SUPT20HL1: variants seen among roughly 807,000 people sequenced by gnomAD.
SUPT20HL1 encodes SUPT20H like 1, also known as transcription factor SPT20 homolog-like 1.
For synonymous variants in SUPT20HL1, 133 were observed against 79.2 expected, an observed-to-expected ratio of 1.68 and a Z score of -3.61; for missense variants, 277 against 200.3, an observed-to-expected ratio of 1.38 and a Z score of -2.31.
rs1353687145 is a variant in SUPT20HL1 at position 24,366,700 on chromosome X, T to C, written c.*1276T>C. On this transcript the variant is annotated 3_prime_UTR_variant, in exon 1 of 1. Coordinates refer to ENST00000686983, the MANE Select transcript of SUPT20HL1 (RefSeq NM_001136234.3). ...TTCTTTGTCTTTTTCTCTTTGTTGATGCATCATCATCAGTTGTTCATCTGT... is the reference window on the plus strand; with the variant it reads ...TTCTTTGTCTTTTTCTCTTTGTTGACGCATCATCATCAGTTGTTCATCTGT... Among the ~76,000 whole-genome samples, 1 of 97,200 alleles carries C rather than the reference T, an allele frequency of 1.0e-5. No homozygotes were observed. Among genetic ancestry groups the C allele is most frequent in the Non-Finnish European group, 2.0e-5 (1 of 50,572 alleles). The allele number at this position is 97,200 out of a possible 115,157, so 84.4% of individuals were successfully genotyped here. A position where few individuals can be genotyped will look rare whatever the true frequency, so the allele number is the denominator to read the frequency against.
rs764471695 is a variant in SUPT20HL1, at chrX:24,364,705, C to G, written c.1945C>G (p.Gln649Glu). The G allele has an allele frequency of 1.4e-5, 6 of 426,656 alleles. No individual in the cohort carries two copies. The highest frequency in any genetic ancestry group is 2.7e-5 in the Non-Finnish European group (6 of 219,387). The allele number at this position is 426,656 out of a possible 1,213,427, so 35.2% of individuals were successfully genotyped here. A position where few individuals can be genotyped will look rare whatever the true frequency, so the allele number is the denominator to read the frequency against. Residue 649 changes from glutamine to glutamate, a missense_variant, in exon 1 of 1, where the codon CAG becomes GAG. Gln to Glu is a conservative substitution (Grantham distance 29). Coordinates refer to ENST00000686983, the MANE Select transcript of SUPT20HL1 (RefSeq NM_001136234.3). Reference sequence around the variant, plus strand: ...TGCAGGAATCAGTGGCAGTGACCTTCAGTCCTCAGGAGGTCCACTACCAGA... The same window carrying G: ...TGCAGGAATCAGTGGCAGTGACCTTGAGTCCTCAGGAGGTCCACTACCAGA... ...APAGISGSDL[Q>E]SSGGPLPDAR...
chrX:24,362,636 T>G lies in SUPT20HL1; in HGVS notation c.-125T>G, dbSNP rs981807805. Reference sequence around the variant, plus strand: ...GCGGGTTTCTGGGCAGATGCCCACGTTGAACTCAGTGTGGACTTGTGGCAT... The same window carrying G: ...GCGGGTTTCTGGGCAGATGCCCACGGTGAACTCAGTGTGGACTTGTGGCAT... On this transcript the variant is annotated 5_prime_UTR_variant, in exon 1 of 1. Coordinates refer to ENST00000686983, the MANE Select transcript of SUPT20HL1 (RefSeq NM_001136234.3). 2 of 368,414 alleles carry G rather than the reference T, an allele frequency of 5.4e-6. No homozygotes were observed. The highest frequency in any genetic ancestry group is 5.1e-5 in the African/African-American group (2 of 39,151). The allele number at this position is 368,414 out of a possible 1,213,427, so 30.4% of individuals were successfully genotyped here. A position where few individuals can be genotyped will look rare whatever the true frequency, so the allele number is the denominator to read the frequency against.
At position 24,364,051 on chromosome X, in the gene SUPT20HL1, A is replaced by G. The variant is rs1248277838; in HGVS notation, c.1291A>G (p.Ser431Gly). 1.8e-6 allele frequency: 1 copy of G among 548,423 alleles called. No individual in the cohort carries two copies. The highest frequency in any genetic ancestry group is 3.4e-6 in the Non-Finnish European group (1 of 297,161). 45.2% of individuals were successfully genotyped at this position (548,423 alleles called of 1,213,427 possible). A position where few individuals can be genotyped will look rare whatever the true frequency, so the allele number is the denominator to read the frequency against. Reference sequence around the variant, plus strand: ...GTCACACAGCTCCAGTGGCCCAGCCAGTGTCAGTCAGCTCTCTTCATGGAA... The same window carrying G: ...GTCACACAGCTCCAGTGGCCCAGCCGGTGTCAGTCAGCTCTCTTCATGGAA... The part of the protein sequence containing the change: ...KMSHSSSGPA[S>G]VSQLSSWKTP... Residue 431 changes from serine to glycine, a missense_variant, in exon 1 of 1, where the codon AGT becomes GGT. Coordinates refer to ENST00000686983, the MANE Select transcript of SUPT20HL1 (RefSeq NM_001136234.3).
rs1304888668 is a variant in SUPT20HL1, at chrX:24,362,389, C to T, written c.-372C>T. Reference sequence around the variant, plus strand: ...GAAGCCCGGGCCACGACGACGACCCCTCAGGTACCGATGTTTTCAGAAACC... The same window carrying T: ...GAAGCCCGGGCCACGACGACGACCCTTCAGGTACCGATGTTTTCAGAAACC... On this transcript the variant is annotated 5_prime_UTR_variant, in exon 1 of 1. Coordinates refer to ENST00000686983, the MANE Select transcript of SUPT20HL1 (RefSeq NM_001136234.3). Among the ~76,000 whole-genome samples, 1 of 112,060 alleles carries T rather than the reference C, an allele frequency of 8.9e-6. No homozygotes were observed. The highest frequency in any genetic ancestry group is 3.2e-5 in the African/African-American group (1 of 30,830).
rs1393623626 is a variant in SUPT20HL1 at position 24,360,998 on chromosome X, A to G, written c.-1763A>G. ...GAATAATGCTCCCAGGACTGTCCTC[A>G]GTCTATGAGAAAGAAAAGTGGATGA... On this transcript the variant is annotated 5_prime_UTR_variant, in exon 1 of 1. Coordinates refer to ENST00000686983, the MANE Select transcript of SUPT20HL1 (RefSeq NM_001136234.3). Among the ~76,000 whole-genome samples the G allele has an allele frequency of 8.9e-6, 1 of 112,234 alleles. No individual in the cohort carries two copies. Among genetic ancestry groups the G allele is most frequent in the Non-Finnish European group, 1.9e-5 (1 of 53,231 alleles).
In SUPT20HL1 at chrX:24,364,174, G is replaced by A. The variant is rs1210527692; in HGVS notation, c.1414G>A (p.Gly472Arg). ...CCGCACCCAACTTCCCTCAAGCTCA[G>A]GAAAGATTTCCTCAGGTAACAGTTT... ...PPRTQLPSSSGKISSGNSFPP... is the reference protein window; with the variant it reads ...PPRTQLPSSSRKISSGNSFPP... The change falls in exon 1 of 1, where the codon GGA becomes AGA. Residue 472 changes from glycine (G) to arginine (R), a missense_variant. Physicochemically the swap from Gly to Arg is moderately radical, Grantham distance 125 (BLOSUM62 -2). Transcript: ENST00000686983. 1.4e-6 allele frequency: 1 copy of A among 698,217 alleles called. No homozygotes were observed. The highest frequency in any genetic ancestry group is 2.4e-5 in the Admixed American group (1 of 41,800). The allele number at this position is 698,217 out of a possible 1,213,427, so 57.5% of individuals were successfully genotyped here.
At position 24,362,427 on chromosome X, in the gene SUPT20HL1, G is replaced by A. The variant is rs1033002248; in HGVS notation, c.-334G>A. On this transcript the variant is annotated 5_prime_UTR_variant, in exon 1 of 1. Coordinates refer to ENST00000686983, the MANE Select transcript of SUPT20HL1 (RefSeq NM_001136234.3). The stretch of plus-strand genomic sequence containing the variant: ...GTTTTCAGAAACCCTCAAACAGATT[G>A]GGTAGCGCTTCCCTGGGGGCAGGTT... 8.9e-6 allele frequency among the ~76,000 whole-genome samples: 1 copy of A among 111,982 alleles called. No homozygotes were observed. The highest frequency in any genetic ancestry group is 1.9e-5 in the Non-Finnish European group (1 of 53,004).
rs893788680 is a variant in SUPT20HL1 at position 24,363,698 on chromosome X, A to G, written c.938A>G (p.Lys313Arg). The G allele has an allele frequency of 5.2e-6, 2 of 385,921 alleles. No homozygotes were observed. The highest frequency in any genetic ancestry group is 2.5e-5 in the African/African-American group (1 of 39,358). The allele number at this position is 385,921 out of a possible 1,213,427, so 31.8% of individuals were successfully genotyped here. A position where few individuals can be genotyped will look rare whatever the true frequency, so the allele number is the denominator to read the frequency against. The change falls in exon 1 of 1, where the codon AAA becomes AGA. Residue 313 changes from lysine (K) to arginine (R), a missense_variant. Physicochemically the swap from Lys to Arg is conservative, Grantham distance 26. Coordinates refer to ENST00000686983, the MANE Select transcript of SUPT20HL1 (RefSeq NM_001136234.3). Reference sequence around the variant, plus strand: ...GAAGTGGATGTGGAGAAACTTGCTAAAGGGTATCAGTCCGTCACAGCTGCT... The same window carrying G: ...GAAGTGGATGTGGAGAAACTTGCTAGAGGGTATCAGTCCGTCACAGCTGCT... ...PSEVDVEKLA[K>R]GYQSVTAADP...
rs1469020274 is a variant in SUPT20HL1 at position 24,361,069 on chromosome X, C to T, written c.-1692C>T. On this transcript the variant is annotated 5_prime_UTR_variant, in exon 1 of 1. Coordinates refer to ENST00000686983, the MANE Select transcript of SUPT20HL1 (RefSeq NM_001136234.3). Reference sequence around the variant, plus strand: ...GCATCTAGGACGGGACAATCTGAGGCTTATTCTGTACTGTCTTCCAAGGTC... The same window carrying T: ...GCATCTAGGACGGGACAATCTGAGGTTTATTCTGTACTGTCTTCCAAGGTC... Among the ~76,000 whole-genome samples, 1 of 112,398 alleles carries T rather than the reference C, an allele frequency of 8.9e-6. No individual in the cohort carries two copies. The highest frequency in any genetic ancestry group is 1.9e-5 in the Non-Finnish European group (1 of 53,268).
At position 24,365,332 on chromosome X, in the gene SUPT20HL1, G is replaced by T. The variant is rs1354797674; in HGVS notation, c.2572G>T (p.Val858Phe). ...GCCAGTGTTTTTGGCAACAGGCGCT[G>T]TTCAGATAGTGCAGCCACATCCAGG... ...QQPVFLATGA[V>F]QIVQPHPGVQ... Residue 858 changes from valine to phenylalanine, a missense_variant, in exon 1 of 1, where the codon GTT becomes TTT. Coordinates refer to ENST00000686983, the MANE Select transcript of SUPT20HL1 (RefSeq NM_001136234.3). 1 of 387,245 alleles carries T rather than the reference G, an allele frequency of 2.6e-6. No individual in the cohort carries two copies. Among genetic ancestry groups the T allele is most frequent in the Non-Finnish European group, 5.2e-6 (1 of 192,627 alleles). 31.9% of individuals were successfully genotyped at this position (387,245 alleles called of 1,213,427 possible).
At position 24,363,765 on chromosome X, in the gene SUPT20HL1, C is replaced by A. The variant is rs758308354; in HGVS notation, c.1005C>A (p.Asp335Glu). ...LPVWPAQEVE[D>E]PFGFALEAGC... ...TCTGGCCAGCCCAGGAGGTAGAAGACCCTTTTGGATTTGCGTTGGAAGCTG... is the reference window on the plus strand; with the variant it reads ...TCTGGCCAGCCCAGGAGGTAGAAGAACCTTTTGGATTTGCGTTGGAAGCTG... Residue 335 changes from aspartate to glutamate, a missense_variant, in exon 1 of 1, where the codon GAC becomes GAA. Asp to Glu is a conservative substitution (Grantham distance 45). Coordinates refer to ENST00000686983, the MANE Select transcript of SUPT20HL1 (RefSeq NM_001136234.3). The A allele has an allele frequency of 2.6e-6, 1 of 387,656 alleles. No individual in the cohort carries two copies. Among genetic ancestry groups the A allele is most frequent in the Non-Finnish European group, 5.2e-6 (1 of 192,913 alleles). The allele number at this position is 387,656 out of a possible 1,213,427, so 31.9% of individuals were successfully genotyped here. A position where few individuals can be genotyped will look rare whatever the true frequency, so the allele number is the denominator to read the frequency against.
rs866617118 is a variant in SUPT20HL1, at chrX:24,365,213, C to A, written c.2453C>A (p.Pro818Gln). The change falls in exon 1 of 1, where the codon CCG (proline) becomes CAG (glutamine). Residue 818 changes from proline (P) to glutamine (Q), a missense_variant. Coordinates refer to ENST00000686983, the MANE Select transcript of SUPT20HL1 (RefSeq NM_001136234.3). ...QEQPQSQQQQ[P>Q]QHIQLQTQQL... ...CAGCCACAGTCGCAGCAGCAGCAGC[C>A]GCAGCATATCCAGCTCCAGACTCAG... 2.8e-6 allele frequency: 1 copy of A among 360,777 alleles called. No homozygotes were observed. Among genetic ancestry groups the A allele is most frequent in the South Asian group, 2.5e-5 (1 of 40,075 alleles). 29.7% of individuals were successfully genotyped at this position (360,777 alleles called of 1,213,427 possible). A position where few individuals can be genotyped will look rare whatever the true frequency, so the allele number is the denominator to read the frequency against.
At position 24,360,710 on chromosome X, in the gene SUPT20HL1, A is replaced by C. The variant is rs1484795914; in HGVS notation, c.-2051A>C. 8.9e-6 allele frequency among the ~76,000 whole-genome samples: 1 copy of C among 112,139 alleles called. No individual in the cohort carries two copies. On this transcript the variant is annotated 5_prime_UTR_variant, in exon 1 of 1. Coordinates refer to ENST00000686983, the MANE Select transcript of SUPT20HL1 (RefSeq NM_001136234.3). ...AAATTGCCCATTTCACTTGGATGGA[A>C]TATAATTTCACTTCTCCATATGCCC...
chrX:24,363,614 A>G lies in SUPT20HL1; in HGVS notation c.854A>G (p.Lys285Arg). The G allele has an allele frequency of 2.6e-6, 1 of 387,477 alleles. No homozygotes were observed. Among genetic ancestry groups the G allele is most frequent in the Non-Finnish European group, 5.2e-6 (1 of 192,675 alleles). 31.9% of individuals were successfully genotyped at this position (387,477 alleles called of 1,213,427 possible). A position where few individuals can be genotyped will look rare whatever the true frequency, so the allele number is the denominator to read the frequency against. ...CAGCCTTGTGAGCTGAACATTGCTA[A>G]AGCAGGAAGTTGTGTAGACACGTGG... ...VGQPCELNIA[K>R]AGSCVDTWKG... Residue 285 changes from lysine (K) to arginine (R), a missense_variant, in exon 1 of 1, where the codon AAA (lysine) becomes AGA (arginine). Coordinates refer to ENST00000686983, the MANE Select transcript of SUPT20HL1 (RefSeq NM_001136234.3).
rs1303290410 is a variant in SUPT20HL1 at position 24,366,519 on chromosome X, T to G, written c.*1095T>G. On this transcript the variant is annotated 3_prime_UTR_variant, in exon 1 of 1. Coordinates refer to ENST00000686983, the MANE Select transcript of SUPT20HL1 (RefSeq NM_001136234.3). The stretch of plus-strand genomic sequence containing the variant: ...GCTTTCTCACTGGCTTTGAAAAGGC[T>G]CTTTTTGGATGTTTTGTGTGCTCTC... Among the ~76,000 whole-genome samples the G allele has an allele frequency of 8.9e-6, 1 of 111,879 alleles. No individual in the cohort carries two copies. Among genetic ancestry groups the G allele is most frequent in the Non-Finnish European group, 1.9e-5 (1 of 53,202 alleles).
chrX:24,365,298 C>G lies in SUPT20HL1; in HGVS notation c.2538C>G (p.Val846=), dbSNP rs763703714. 2 of 385,343 alleles carry G rather than the reference C, an allele frequency of 5.2e-6. No homozygotes were observed. Among genetic ancestry groups the G allele is most frequent in the African/African-American group, 5.1e-5 (2 of 39,191 alleles). The allele number at this position is 385,343 out of a possible 1,213,427, so 31.8% of individuals were successfully genotyped here. Residue 846 remains valine, a synonymous_variant, in exon 1 of 1, where the codon GTC becomes GTG. Transcript: ENST00000686983. ...AGCTCCAGACTCAGCAGTTGAGAGT[C>G]CTGCAGCAGCCAGTGTTTTTGGCAA... is the stretch of plus-strand genomic sequence containing the variant. ...HIQLQTQQLR[V]LQQPVFLATG... is the part of the protein sequence containing the mutation.
chrX:24,364,384 G>GCTGCTCCTGCTC lies in SUPT20HL1; in HGVS notation c.1635_1646dup (p.Pro546_Ala549dup), dbSNP rs762401096. 2,470 of 629,800 alleles carry GCTGCTCCTGCTC rather than the reference G, an allele frequency of 3.9e-3. 43 individuals carry two copies. In the Admixed American group the frequency reaches 0.041, roughly 11 times the overall value. 51.9% of individuals were successfully genotyped at this position (629,800 alleles called of 1,213,427 possible). A position where few individuals can be genotyped will look rare whatever the true frequency, so the allele number is the denominator to read the frequency against. ...TGCTGCTCCTGCTCTAGCTGCTGCT[G>GCTGCTCCTGCTC]CTGCTCCTGCTCCTGCTCCTGCCGC... On this transcript the variant is annotated inframe_insertion, in exon 1 of 1. Coordinates refer to ENST00000686983, the MANE Select transcript of SUPT20HL1 (RefSeq NM_001136234.3).
Position 24,365,241 on chromosome X carries a change from G to A in SUPT20HL1, c.2481G>A (p.Gln827=). The A allele has an allele frequency of 2.6e-6, 1 of 379,735 alleles. No individual in the cohort carries two copies. The highest frequency in any genetic ancestry group is 5.3e-6 in the Non-Finnish European group (1 of 188,808). The allele number at this position is 379,735 out of a possible 1,213,427, so 31.3% of individuals were successfully genotyped here. The part of the protein sequence containing the change: ...QPQHIQLQTQ[Q]LRVLQQPQHI... ...AGCATATCCAGCTCCAGACTCAGCA[G>A]TTGAGAGTCTTGCAGCAGCCGCAGC... is the stretch of plus-strand genomic sequence containing the variant. The change falls in exon 1 of 1, where the codon CAG becomes CAA. Residue 827 remains glutamine (Q), a synonymous_variant. Transcript: ENST00000686983.
rs1569203623 is a variant in SUPT20HL1, at chrX:24,364,318, CCTGCTCTAGCTGCTGCTG to C, written c.1565_1582del (p.Leu522_Ala527del). Reference sequence around the variant, plus strand: ...TGCTGCTGCTGCTGCTGCTCCTGCTCCTGCTCTAGCTGCTGCTGCTGCTCCTGCTCTAGCTGCTGCTGC... The same window carrying C: ...TGCTGCTGCTGCTGCTGCTCCTGCTCCTGCTCCTGCTCTAGCTGCTGCTGC... On this transcript the variant is annotated inframe_deletion, in exon 1 of 1. Coordinates refer to ENST00000686983, the MANE Select transcript of SUPT20HL1 (RefSeq NM_001136234.3). 7,951 of 712,626 alleles carry C rather than the reference CCTGCTCTAGCTGCTGCTG, an allele frequency of 0.011. 68 individuals carry two copies. Among genetic ancestry groups the C allele is most frequent in the African/African-American group, 0.071 (1,691 of 23,878 alleles). 58.7% of individuals were successfully genotyped at this position (712,626 alleles called of 1,213,427 possible).
Sources: gnomAD v4.1 joint callset for allele counts (sites outside exome capture counted in the v4.1 genomes callset) on GRCh38, gnomAD v4.1.1 for gene constraint, MANE v1.5 for transcripts, NCBI Gene and HGNC (gene_info 2026-07-23, HGNC 2026-07-21) for gene names.